Variants in TRPM7 observed in about 807,000 individuals in gnomAD.
TRPM7 encodes transient receptor potential cation channel subfamily M member 7.
Under a neutral mutation model 229.7 loss-of-function variants are expected in TRPM7, and 134 were observed. That is an observed-to-expected ratio of 0.58 (90% CI 0.51 to 0.67). The LOEUF (loss-of-function observed/expected upper bound fraction) is 0.67, where lower values mean the gene tolerates loss of function less well. TRPM7 is among the 30% of genes least tolerant of loss of function. The probability of loss-of-function intolerance (pLI) is 0.00; values close to 1 mark genes in which losing one functional copy is unlikely to be tolerated. For synonymous variants in TRPM7, 699 were observed against 715.2 expected, an observed-to-expected ratio of 0.98 and a Z score of 0.36; for missense variants, 1,901 against 2,210.0, an observed-to-expected ratio of 0.86 and a Z score of 2.80.
At chr15:50,623,487 G>GGC (rs2060474284) in intron 12 of TRPM7, among the ~76,000 whole-genome samples, 1 of 113,158 alleles carries the variant, frequency 8.8e-6, no homozygotes, top group Non-Finnish European at 1.9e-5. Context: ...TTGCTGCCCC[G>GGC]CCCCCTCCCC....
intron 1 of TRPM7, among the ~76,000 whole-genome samples, chr15:50,665,120 T>C (rs1294434339): frequency 1.3e-5 from 2 of 152,150 alleles, no homozygotes; most frequent in Non-Finnish European, 2.9e-5. Flanking sequence ...AAATTAATCA[T>C]GGGTCAGGCC....
chr15:50,679,539 T>TATATGTGTATATA (rs1491586861), intron 1 of TRPM7, among the ~76,000 whole-genome samples: 1 of 22,306 alleles, frequency 4.5e-5, no homozygotes, highest in African/African-American at 2.1e-4. Context: ...TATATATATA[T>TATATGTGTATATA]TTTTTTTTTT....
intron 12 of TRPM7, 68 bp from the exon 13 acceptor site, chr15:50,619,866 T>C (rs1248980020): frequency 7.8e-7 from 1 of 1,285,294 alleles, no homozygotes; most frequent in Admixed American, 2.2e-5. Flanking sequence ...TTACAGGATT[T>C]TTATGAACCT....
intron 1 of TRPM7, among the ~76,000 whole-genome samples, chr15:50,666,403 C>G (rs370426378): frequency 2.0e-5 from 3 of 151,420 alleles, no homozygotes; most frequent in Middle Eastern, 3.4e-3. Context: ...ATCATGCCAC[C>G]GTACTCCAGC....
intron 29 of TRPM7, among the ~76,000 whole-genome samples, chr15:50,582,048 C>A (rs2054441019): frequency 6.6e-6 from 1 of 152,156 alleles, no homozygotes; most frequent in Non-Finnish European, 1.5e-5. Flanking sequence ...CTGCAACCTC[C>A]ACCTCCCTGG....
At chr15:50,662,034 A>G (rs1000932620) in intron 2 of TRPM7, among the ~76,000 whole-genome samples, 4 of 152,060 alleles carry the variant, frequency 2.6e-5, no homozygotes, top group East Asian at 1.9e-4. Context: ...CCTGGCCAAC[A>G]TAGTAAAACC....
chr15:50,635,046 G>T (rs1406529002), intron 7 of TRPM7, among the ~76,000 whole-genome samples: 1 of 152,098 alleles, frequency 6.6e-6, no homozygotes. Flanking sequence ...GGCCGGGCGT[G>T]GTGGCTCATG....
intron 13 of TRPM7, among the ~76,000 whole-genome samples, chr15:50,618,714 T>C (rs1056679729): frequency 1.3e-5 from 2 of 152,160 alleles, no homozygotes; most frequent in African/African-American, 4.8e-5. Flanking sequence ...TTAGTGTACC[T>C]ATTATCTGAA....
intron 1 of TRPM7, among the ~76,000 whole-genome samples, chr15:50,677,763 A>T (rs1332931147): frequency 1.3e-5 from 2 of 150,308 alleles, no homozygotes; most frequent in African/African-American, 4.9e-5. Context: ...AAAAAAAACA[A>T]AAGGTAACCC....
At chr15:50,562,111 G>C (rs1461253103) in intron 38 of TRPM7, among the ~76,000 whole-genome samples, 1 of 151,752 alleles carries the variant, frequency 6.6e-6, no homozygotes, top group East Asian at 1.9e-4. Context: ...GGTCAGGCTG[G>C]TCTTGAACTC....
chr15:50,593,680 A>C lies in TRPM7; in HGVS notation c.3545T>G (p.Phe1182Cys). 1 of 1,612,168 alleles carries C rather than the reference A, an allele frequency of 6.2e-7. No individual in the cohort carries two copies. Among genetic ancestry groups the C allele is most frequent in the Non-Finnish European group, 8.5e-7 (1 of 1,179,408 alleles). The stretch of plus-strand genomic sequence containing the variant: ...ATGAAATTTGTCATCTTTTTCATTG[A>C]AATACATTTCAACACACTGCTCTTC... Reference protein sequence around the residue: ...DFEEQCVEMYFNEKDDKFHSG... With the variant: ...DFEEQCVEMYCNEKDDKFHSG... The change falls in exon 25 of 39, where the codon TTC (phenylalanine) becomes TGC (cysteine). Residue 1182 changes from phenylalanine to cysteine, a missense_variant. Phe to Cys is a radical substitution (Grantham distance 205, BLOSUM62 -2). Coordinates refer to ENST00000646667, the MANE Select transcript of TRPM7 (RefSeq NM_017672.6).
chr15:50,637,725 G>A (rs998355273), intron 6 of TRPM7, 132 bp from the exon 7 acceptor site: 3 of 807,456 alleles, frequency 3.7e-6, no homozygotes, highest in Non-Finnish European at 5.6e-6. Flanking sequence ...AATACCAAAT[G>A]ACAAAGAATG....
intron 1 of TRPM7, among the ~76,000 whole-genome samples, chr15:50,678,784 C>T (rs994796009): frequency 6.6e-6 from 1 of 152,224 alleles, no homozygotes; most frequent in Non-Finnish European, 1.5e-5. Context: ...AACCCCAACA[C>T]TTTGGGAGGC....
At chr15:50,645,498 C>A (rs1414582121) in intron 4 of TRPM7, among the ~76,000 whole-genome samples, 1 of 151,840 alleles carries the variant, frequency 6.6e-6, no homozygotes, top group Non-Finnish European at 1.5e-5. Context: ...GGCCCAGCTA[C>A]TTTTTGTATT....
chr15:50,602,448 G>C (rs1230803591), intron 21 of TRPM7, among the ~76,000 whole-genome samples: 1 of 152,000 alleles, frequency 6.6e-6, no homozygotes, highest in Non-Finnish European at 1.5e-5. Flanking sequence ...TGAGTTAATG[G>C]GTGCAGCAAA....
intron 31 of TRPM7, among the ~76,000 whole-genome samples, chr15:50,576,738 A>G (rs1428571637): frequency 3.3e-5 from 5 of 152,230 alleles, no homozygotes; most frequent in Non-Finnish European, 7.4e-5. Flanking sequence ...ATATGCAGCT[A>G]AGACTACAAA....
At chr15:50,647,057 C>G (rs2899462) in intron 4 of TRPM7, among the ~76,000 whole-genome samples, 1 of 152,082 alleles carries the variant, frequency 6.6e-6, no homozygotes, top group East Asian at 1.9e-4. Context: ...GAGAACATAT[C>G]CCCATTCTTA....
chr15:50,659,299 T>C (rs1353376675), intron 2 of TRPM7, among the ~76,000 whole-genome samples: 2 of 152,176 alleles, frequency 1.3e-5, no homozygotes, highest in Admixed American at 1.3e-4. Context: ...ATCATCTGCT[T>C]GGACATACAA....
chr15:50,673,798 T>C (rs1419915973), intron 1 of TRPM7, among the ~76,000 whole-genome samples: 2 of 152,224 alleles, frequency 1.3e-5, no homozygotes, highest in African/African-American at 4.8e-5. Context: ...TACCCAGTAG[T>C]GGGACTGCTG....
Sources: gnomAD v4.1 joint callset for allele counts (sites outside exome capture counted in the v4.1 genomes callset) on GRCh38, gnomAD v4.1.1 for gene constraint, MANE v1.5 for transcripts, NCBI Gene and HGNC (gene_info 2026-07-23, HGNC 2026-07-21) for gene names.